The following SPAG16 variants were observed in gnomAD, a reference collection of about 807,000 sequenced individuals.
SPAG16 encodes the protein sperm-associated antigen 16 protein.
SPAG16 carries 86 observed loss-of-function variants against 80.4 expected under a neutral mutation model. The ratio of observed to expected loss-of-function variants is 1.07; its 90% CI spans 0.90 to 1.28. The LOEUF is 1.28. Ranked by LOEUF, SPAG16 falls within the 50% of genes most tolerant of loss-of-function variation. SPAG16 has a pLI of 0.00. For synonymous variants in SPAG16, 294 were observed against 265.9 expected, an observed-to-expected ratio of 1.11 and a Z score of -1.03; for missense variants, 870 against 765.3, an observed-to-expected ratio of 1.14 and a Z score of -1.61.
At chr2:213,744,066 T>A (rs766261215) in intron 10 of SPAG16, among the ~76,000 whole-genome samples, 7 of 152,330 alleles carry the variant, frequency 4.6e-5, no homozygotes, top group South Asian at 2.1e-4. Context: ...AATGAAGGTG[T>A]ATTCATTCCT....
chr2:214,307,837 T>C (rs79106693), intron 15 of SPAG16, among the ~76,000 whole-genome samples: 72 of 152,320 alleles, frequency 4.7e-4, no homozygotes, highest in African/African-American at 1.6e-3. Context: ...GTATGTGCCA[T>C]GTTGCAATGA....
rs911254615 is a variant in SPAG16, at chr2:213,387,847, C to T, written c.942+12728C>T. Among the ~76,000 whole-genome samples, 2 of 152,012 alleles carry T rather than the reference C, an allele frequency of 1.3e-5. 1 individual carries two copies. Among genetic ancestry groups the T allele is most frequent in the Non-Finnish European group, 2.9e-5 (2 of 68,016 alleles). On this transcript the variant is annotated intron_variant, in intron 9 of 15. Transcript: ENST00000331683. The stretch of plus-strand genomic sequence containing the variant: ...TAAACATATTTATATCCCTAATACC[C>T]CTTCTGGGTTTCTGCTGGAAATGGT...
At chr2:213,760,012 G>T (rs1451022522) in intron 10 of SPAG16, among the ~76,000 whole-genome samples, 2 of 151,870 alleles carry the variant, frequency 1.3e-5, no homozygotes, top group African/African-American at 4.8e-5. Context: ...TCCATCCTGG[G>T]TGACAAAGCA....
At chr2:213,900,962 C>T (rs949654382) in intron 11 of SPAG16, among the ~76,000 whole-genome samples, 1 of 152,106 alleles carries the variant, frequency 6.6e-6, no homozygotes, top group Non-Finnish European at 1.5e-5. Flanking sequence ...TTTATTCAAT[C>T]ATCTGTATAT....
At chr2:213,787,899 G>A (rs919495743) in intron 10 of SPAG16, among the ~76,000 whole-genome samples, 10 of 151,862 alleles carry the variant, frequency 6.6e-5, no homozygotes, top group Non-Finnish European at 1.0e-4. Flanking sequence ...AAAATTTATC[G>A]TGAAAACTAT....
intron 6 of SPAG16, among the ~76,000 whole-genome samples, chr2:213,340,782 T>C (rs1198095830): frequency 6.6e-6 from 1 of 152,190 alleles, no homozygotes; most frequent in Non-Finnish European, 1.5e-5. Flanking sequence ...AGAAATTATT[T>C]TGAAGGCATT....
intron 10 of SPAG16, among the ~76,000 whole-genome samples, chr2:213,619,367 A>G (rs1461686651): frequency 6.6e-6 from 1 of 152,222 alleles, no homozygotes; most frequent in Non-Finnish European, 1.5e-5. Flanking sequence ...AAGCAAGGTG[A>G]ATAGACAGCC....
At chr2:213,538,847 T>A (rs892869079) in intron 10 of SPAG16, among the ~76,000 whole-genome samples, 2 of 152,142 alleles carry the variant, frequency 1.3e-5, no homozygotes, top group African/African-American at 4.8e-5. Context: ...ATCTATTATC[T>A]ATCTATCATC....
chr2:213,804,450 G>A (rs1221631446), intron 10 of SPAG16, among the ~76,000 whole-genome samples: 3 of 152,194 alleles, frequency 2.0e-5, no homozygotes, highest in African/African-American at 4.8e-5. Context: ...TTGGGAGGCC[G>A]AGGCGGGCAG....
chr2:213,928,943 A>ACACACACAC (rs2078624432), intron 11 of SPAG16, among the ~76,000 whole-genome samples: 1 of 145,592 alleles, frequency 6.9e-6, no homozygotes, highest in African/African-American at 2.5e-5. Flanking sequence ...ACACACACAC[A>ACACACACAC]AAACCAACTA....
rs181007229 is a variant in SPAG16 at position 214,000,863 on chromosome 2, G to A, written c.1401-13088G>A. Among the ~76,000 whole-genome samples, 106 of 152,152 alleles carry A rather than the reference G, an allele frequency of 7.0e-4. 1 individual carries two copies. Among genetic ancestry groups the A allele is most frequent in the African/African-American group, 2.5e-3 (103 of 41,510 alleles). ...TTTTTTCTCTGACAATCAAGCCCCT[G>A]GATAACCTAAGCGTTTTCGCCTTCA... On this transcript the variant is annotated intron_variant, in intron 12 of 15. Transcript: ENST00000331683.
chr2:213,368,426 G>C (rs60931346), intron 8 of SPAG16, among the ~76,000 whole-genome samples: 1,638 of 152,182 alleles, frequency 0.011, 31 homozygotes, highest in African/African-American at 0.037. Flanking sequence ...AAAATAATAA[G>C]AGCTATTTAT....
rs1302579060 is a variant in SPAG16 at position 213,705,919 on chromosome 2, G to A, written c.1071-156566G>A. On this transcript the variant is annotated intron_variant, in intron 10 of 15. Coordinates refer to ENST00000331683, the MANE Select transcript of SPAG16 (RefSeq NM_024532.5). ...TATGGGATTTATGCAAATTCCATAC[G>A]CTTTGGTAGTCAGGGCAAATAGATA... is the stretch of plus-strand genomic sequence containing the variant. Among the ~76,000 whole-genome samples the A allele has an allele frequency of 2.6e-5, 4 of 152,022 alleles. No individual in the cohort carries two copies. In the South Asian group the frequency reaches 6.2e-4, roughly 24 times the overall value.
intron 10 of SPAG16, among the ~76,000 whole-genome samples, chr2:213,530,304 C>A (rs1575853290): frequency 6.6e-6 from 1 of 152,142 alleles, no homozygotes; most frequent in Non-Finnish European, 1.5e-5. Context: ...AGCATCACAA[C>A]AAACGTGAGT....
chr2:213,353,882 A>G (rs565471188), intron 7 of SPAG16, among the ~76,000 whole-genome samples: 1 of 152,272 alleles, frequency 6.6e-6, no homozygotes, highest in Non-Finnish European at 1.5e-5. Context: ...GAAAATCTTT[A>G]TTAATGGGAA....
intron 10 of SPAG16, among the ~76,000 whole-genome samples, chr2:213,580,577 A>G (rs1419974093): frequency 6.6e-6 from 1 of 152,072 alleles, no homozygotes; most frequent in African/African-American, 2.4e-5. Context: ...ATGATTCACA[A>G]CCCCAACAAC....
intron 10 of SPAG16, among the ~76,000 whole-genome samples, chr2:213,678,054 T>C (rs1010806732): frequency 6.6e-6 from 1 of 152,044 alleles, no homozygotes; most frequent in Non-Finnish European, 1.5e-5. Context: ...GAAATAAAGA[T>C]GTTCTTTGAA....
At chr2:213,698,163 C>G (rs2065241275) in intron 10 of SPAG16, among the ~76,000 whole-genome samples, 3 of 152,282 alleles carry the variant, frequency 2.0e-5, no homozygotes, top group Admixed American at 1.3e-4. Flanking sequence ...TAAAAAATTA[C>G]ATATTTGCTC....
At chr2:213,914,272 T>A (rs889975854) in intron 11 of SPAG16, among the ~76,000 whole-genome samples, 3 of 152,236 alleles carry the variant, frequency 2.0e-5, no homozygotes, top group African/African-American at 7.2e-5. Context: ...AACATTTTAA[T>A]GCAAAATCAA....
Sources: allele counts gnomAD v4.1 joint callset (sites outside exome capture counted in the v4.1 genomes callset), GRCh38; gene constraint gnomAD v4.1.1; transcripts MANE v1.5; gene names NCBI Gene and HGNC (gene_info 2026-07-23, HGNC 2026-07-21).